Variants in KRT17 observed in about 807,000 individuals in gnomAD.
The protein encoded by KRT17 is keratin 17.
Under a neutral mutation model 45.6 loss-of-function variants are expected in KRT17, and 29 were observed. The observed-to-expected ratio is 0.64, with a 90% CI of 0.47 to 0.87. KRT17 has a LOEUF of 0.87. KRT17 is among the 40% of genes least tolerant of loss of function. KRT17 has a pLI of 0.00. For missense variants in KRT17, 536 were observed against 577.8 expected (o/e 0.93, Z 0.74); for synonymous variants, 219 against 234.6 (o/e 0.93, Z 0.61).
intron 1 of KRT17, chr17:41,623,295 G>A (rs1908610500): frequency 1.1e-5 from 5 of 440,708 alleles, no homozygotes; most frequent in Admixed American, 7.0e-5. Context: ...GGGAGTATGA[G>A]GCAACCAGAA....
chr17:41,624,255 C>T lies in KRT17; in HGVS notation c.255G>A (p.Lys85=), dbSNP rs769960911. The T allele has an allele frequency of 2.5e-6, 4 of 1,612,600 alleles. No individual in the cohort carries two copies. The highest frequency in any genetic ancestry group is 1.7e-5 in the Admixed American group (1 of 60,022). ...GVDGLLAGGE[K]ATMQNLNDRL... ...GGTCATTGAGGTTCTGCATGGTGGCCTTCTCACCTCCAGCCAGCAGCCCAT... is the reference window on the plus strand; with the variant it reads ...GGTCATTGAGGTTCTGCATGGTGGCTTTCTCACCTCCAGCCAGCAGCCCAT... Residue 85 remains lysine (K), a synonymous_variant, in exon 1 of 8, where the codon AAG becomes AAA. Coordinates refer to ENST00000311208, the MANE Select transcript of KRT17 (RefSeq NM_000422.3).
rs139279688 is a variant in KRT17, at chr17:41,624,135, C to T, written c.375G>A (p.Pro125=). ...KIRDWYQRQA[P]GPARDYSQYY... Reference sequence around the variant, plus strand: ...ACTGGCTGTAGTCACGGGCGGGCCCCGGGGCCTGCCTCTGGTACCAGTCAC... The same window carrying T: ...ACTGGCTGTAGTCACGGGCGGGCCCTGGGGCCTGCCTCTGGTACCAGTCAC... Residue 125 remains proline (P), a synonymous_variant, in exon 1 of 8, where the codon CCG becomes CCA. Transcript: ENST00000311208. 2.4e-5 allele frequency: 38 copies of T among 1,611,910 alleles called. No homozygotes were observed. The African/African-American group carries it at 2.8e-4, about 12-fold the overall frequency.
rs373778871 is a variant in KRT17 at position 41,622,531 on chromosome 17, C to T, written c.516-20G>A. On this transcript the variant is annotated intron_variant, in intron 2 of 7. Coordinates refer to ENST00000311208, the MANE Select transcript of KRT17 (RefSeq NM_000422.3). ...TCAAACCTGCCGTGGGAATCAGAGACTTCAGCCCAGGCTGCTTGGACCTGC... is the reference window on the plus strand; with the variant it reads ...TCAAACCTGCCGTGGGAATCAGAGATTTCAGCCCAGGCTGCTTGGACCTGC... 6.2e-7 allele frequency: 1 copy of T among 1,612,688 alleles called. No individual in the cohort carries two copies. Among genetic ancestry groups the T allele is most frequent in the African/African-American group, 1.3e-5 (1 of 74,912 alleles).
chr17:41,623,616 C>A (rs1908622358), intron 1 of KRT17, among the ~76,000 whole-genome samples: 1 of 152,160 alleles, frequency 6.6e-6, no homozygotes, highest in South Asian at 2.1e-4. Context: ...GCCTTCCCCA[C>A]ACTGAGGTCC....
intron 7 of KRT17, chr17:41,620,155 C>G: frequency 1.0e-6 from 1 of 985,356 alleles, no homozygotes; most frequent in Non-Finnish European, 1.2e-6. Context: ...AGGACCATGT[C>G]CCTATCTCCC....
In KRT17 at chr17:41,621,042, C is replaced by G. The variant is rs748010574; in HGVS notation, c.884G>C (p.Ser295Thr). Reference sequence around the variant, plus strand: ...GAGCTCCGAGATCTCACTCTTGCCACTCTGCACCAGCTCACTGTTGGTGGC... The same window carrying G: ...GAGCTCCGAGATCTCACTCTTGCCAGTCTGCACCAGCTCACTGTTGGTGGC... Reference protein sequence around the residue: ...EVATNSELVQSGKSEISELRR... With the variant: ...EVATNSELVQTGKSEISELRR... The change falls in exon 5 of 8, where the codon AGT (serine) becomes ACT (threonine). Residue 295 changes from serine to threonine, a missense_variant. Physicochemically the swap from Ser to Thr is moderately conservative, Grantham distance 58. Transcript: ENST00000311208. The G allele has an allele frequency of 2.5e-6, 4 of 1,613,968 alleles. No individual in the cohort carries two copies.
rs780944837 is a variant in KRT17, at chr17:41,619,681, G to T, written c.1212C>A (p.Thr404=). The change falls in exon 8 of 8, where the codon ACC becomes ACA. Residue 404 remains threonine (T), a synonymous_variant. Transcript: ENST00000311208. The part of the protein sequence containing the change: ...HLTQYKKEPV[T]TRQVRTIVEE... Reference sequence around the variant, plus strand: ...CCACAATGGTACGCACCTGACGGGTGGTCACCGCTGCAGGAGAAGCAGGCA... The same window carrying T: ...CCACAATGGTACGCACCTGACGGGTTGTCACCGCTGCAGGAGAAGCAGGCA... 6.2e-7 allele frequency: 1 copy of T among 1,612,190 alleles called. No individual in the cohort carries two copies. The highest frequency in any genetic ancestry group is 1.1e-5 in the South Asian group (1 of 90,996).
Position 41,624,140 on chromosome 17 carries a change from C to T in KRT17, c.370G>A (p.Ala124Thr), listed in dbSNP as rs371097627. 1 of 1,612,160 alleles carries T rather than the reference C, an allele frequency of 6.2e-7. No individual in the cohort carries two copies. The highest frequency in any genetic ancestry group is 8.5e-7 in the Non-Finnish European group (1 of 1,179,938). Reference protein sequence around the residue: ...VKIRDWYQRQAPGPARDYSQY... With the variant: ...VKIRDWYQRQTPGPARDYSQY... ...CTGTAGTCACGGGCGGGCCCCGGGG[C>T]CTGCCTCTGGTACCAGTCACGGATC... The change falls in exon 1 of 8, where the codon GCC (alanine) becomes ACC (threonine). Residue 124 changes from alanine (A) to threonine (T), a missense_variant. Coordinates refer to ENST00000311208, the MANE Select transcript of KRT17 (RefSeq NM_000422.3).
chr17:41,621,227 T>G, intron 4 of KRT17, 136 bp from the exon 5 acceptor site: 1 of 1,180,406 alleles, frequency 8.5e-7, no homozygotes, highest in Non-Finnish European at 1.2e-6. Context: ...AACATGCCAT[T>G]TGAAATGTTA....
chr17:41,624,052 A>C, intron 1 of KRT17, 26 bp downstream of exon 1: 1 of 1,611,866 alleles, frequency 6.2e-7, no homozygotes, highest in Non-Finnish European at 8.5e-7. Flanking sequence ...TGCCCCCCGG[A>C]GACCCCTCCC....
chr17:41,620,000 C>T (rs1052550773), intron 7 of KRT17: 1 of 985,308 alleles, frequency 1.0e-6, no homozygotes, highest in African/African-American at 1.7e-5. Context: ...CATTTCTCTG[C>T]AGTCTCTAGG....
intron 2 of KRT17, 49 bp from the exon 3 acceptor site, chr17:41,622,560 T>C (rs1175336582): frequency 4.4e-6 from 7 of 1,606,798 alleles, no homozygotes; most frequent in Admixed American, 3.3e-5. Context: ...GACCTGCAGA[T>C]CCAGGTCCTG....
chr17:41,620,622 G>C (rs1423813508), intron 6 of KRT17, 37 bp downstream of exon 6: 1 of 1,609,712 alleles, frequency 6.2e-7, no homozygotes, highest in South Asian at 1.1e-5. Context: ...CCCCTGCCAA[G>C]AGACCCCCAG....
intron 1 of KRT17, 39 bp downstream of exon 1, chr17:41,624,039 T>C (rs1420784272): frequency 6.2e-7 from 1 of 1,611,630 alleles, no homozygotes; most frequent in Admixed American, 1.7e-5. Flanking sequence ...GGGGAAGAAG[T>C]CATGCCCCCC....
intron 1 of KRT17, among the ~76,000 whole-genome samples, chr17:41,623,792 T>C (rs1022461664): frequency 4.6e-5 from 7 of 152,132 alleles, no homozygotes; most frequent in African/African-American, 1.7e-4. Context: ...TGCATCCTCC[T>C]GCCTCATCCT....
chr17:41,619,631 A>G lies in KRT17; in HGVS notation c.1262T>C (p.Ile421Thr). The G allele has an allele frequency of 6.2e-7, 1 of 1,612,094 alleles. No homozygotes were observed. The highest frequency in any genetic ancestry group is 8.5e-7 in the Non-Finnish European group (1 of 1,179,996). The part of the protein sequence containing the change: ...IVEEVQDGKV[I>T]SSREQVHQTT... ...CTGGTGGACCTGCTCGCGGGAGGAGATGACCTTGCCATCCTGGACCTCTTC... is the reference window on the plus strand; with the variant it reads ...CTGGTGGACCTGCTCGCGGGAGGAGGTGACCTTGCCATCCTGGACCTCTTC... The change falls in exon 8 of 8, where the codon ATC (isoleucine) becomes ACC (threonine). Residue 421 changes from isoleucine to threonine, a missense_variant. Transcript: ENST00000311208.
Position 41,621,638 on chromosome 17 carries a change from C to T in KRT17, c.789G>A (p.Met263Ile), listed in dbSNP as rs1908545873. 3 of 1,612,064 alleles carry T rather than the reference C, an allele frequency of 1.9e-6. No homozygotes were observed. The South Asian group carries it at 3.3e-5, about 18-fold the overall frequency. ...CGGCATCCTTGCGGTTCTTCTCTGC[C>T]ATCTTCTCATACTGGTCACGCATCT... ...LNEMRDQYEK[M>I]AEKNRKDAED... Residue 263 changes from methionine (M) to isoleucine (I), a missense_variant, in exon 4 of 8, where the codon ATG becomes ATA. Coordinates refer to ENST00000311208, the MANE Select transcript of KRT17 (RefSeq NM_000422.3).
In KRT17 at chr17:41,619,575, G is replaced by T; in HGVS notation, c.*19C>A. On this transcript the variant is annotated 3_prime_UTR_variant, in exon 8 of 8. Transcript: ENST00000311208. Reference sequence around the variant, plus strand: ...CTGCCTCCCTGCCTCCTGGGTGGCCGGCCGGGGTAGCTGAGTCCTCAGCGG... The same window carrying T: ...CTGCCTCCCTGCCTCCTGGGTGGCCTGCCGGGGTAGCTGAGTCCTCAGCGG... 1 of 1,611,958 alleles carries T rather than the reference G, an allele frequency of 6.2e-7. No homozygotes were observed. The highest frequency in any genetic ancestry group is 8.5e-7 in the Non-Finnish European group (1 of 1,179,910).
In KRT17 at chr17:41,624,478, G is replaced by C. The variant is rs1908661814; in HGVS notation, c.32C>G (p.Ser11Cys). The change falls in exon 1 of 8, where the codon TCC becomes TGC. Residue 11 changes from serine (S) to cysteine (C), a missense_variant. Physicochemically the swap from Ser to Cys is moderately radical, Grantham distance 112. Coordinates refer to ENST00000311208, the MANE Select transcript of KRT17 (RefSeq NM_000422.3). MTTSIRQFTS[S>C]SSIKGSSGLG... ...GCCGGAGGAGCCCTTGATGGAGCTGGAGGAGGTGAACTGGCGGATGGAGGT... is the reference window on the plus strand; with the variant it reads ...GCCGGAGGAGCCCTTGATGGAGCTGCAGGAGGTGAACTGGCGGATGGAGGT... 2 of 1,610,532 alleles carry C rather than the reference G, an allele frequency of 1.2e-6. No individual in the cohort carries two copies. The highest frequency in any genetic ancestry group is 1.7e-6 in the Non-Finnish European group (2 of 1,179,602).
Sources: allele counts gnomAD v4.1 joint callset (sites outside exome capture counted in the v4.1 genomes callset), GRCh38; gene constraint gnomAD v4.1.1; transcripts MANE v1.5; gene names NCBI Gene and HGNC (gene_info 2026-07-23, HGNC 2026-07-21).